PIP4K2A: variants seen among roughly 807,000 people sequenced by gnomAD.
PIP4K2A encodes the protein phosphatidylinositol-5-phosphate 4-kinase type 2 alpha, also known as phosphatidylinositol 5-phosphate 4-kinase type-2 alpha.
PIP4K2A carries 14 observed loss-of-function variants against 42.9 expected under a neutral mutation model. The ratio of observed to expected loss-of-function variants is 0.33; its 90% confidence interval spans 0.22 to 0.51. The LOEUF (loss-of-function observed/expected upper bound fraction) is 0.51. Ranked by LOEUF, PIP4K2A falls within the 20% of genes least tolerant of loss-of-function variation. The probability of loss-of-function intolerance (pLI) is 0.97; values close to 1 mark genes in which losing one functional copy is unlikely to be tolerated. For synonymous variants in PIP4K2A, 192 were observed against 192.2 expected, an observed-to-expected ratio of 1.00 and a Z score of 0.01; for missense variants, 434 against 519.8, an observed-to-expected ratio of 0.83 and a Z score of 1.61.
At chr10:22,547,099 C>T (rs528183730) in intron 7 of PIP4K2A, among the ~76,000 whole-genome samples, 4 of 152,128 alleles carry the variant, frequency 2.6e-5, no homozygotes, top group Non-Finnish European at 4.4e-5. Context: ...GAGATCTTTA[C>T]GAGTCTAAGA....
At chr10:22,633,253 T>C (rs1838591036) in intron 1 of PIP4K2A, among the ~76,000 whole-genome samples, 1 of 152,122 alleles carries the variant, frequency 6.6e-6, no homozygotes, top group Admixed American at 6.5e-5. Context: ...AACACATAAA[T>C]AAATGAAAGG....
At chr10:22,667,911 GTGTGT>G (rs1410890669) in intron 1 of PIP4K2A, among the ~76,000 whole-genome samples, 4 of 136,712 alleles carry the variant, frequency 2.9e-5, no homozygotes, top group Non-Finnish European at 6.3e-5. Context: ...GTGTGTGTGT[GTGTGT>G]AGAGAGGGGG....
In PIP4K2A at chr10:22,536,104, C is replaced by G. The variant is rs542553400; in HGVS notation, c.*1097G>C. 2.5e-6 allele frequency: 1 copy of G among 398,474 alleles called. No homozygotes were observed. The highest frequency in any genetic ancestry group is 3.6e-5 in the East Asian group (1 of 28,052). The allele number at this position is 398,474 out of a possible 1,614,324, so 24.7% of individuals were successfully genotyped here. ...ATCCCTGTTTTCCTAATAATGTAAACAGTAAAACTGAGGGTTTCAGTTAAA... is the reference window on the plus strand; with the variant it reads ...ATCCCTGTTTTCCTAATAATGTAAAGAGTAAAACTGAGGGTTTCAGTTAAA... On this transcript the variant is annotated 3_prime_UTR_variant, in exon 10 of 10. Coordinates refer to ENST00000376573, the MANE Select transcript of PIP4K2A (RefSeq NM_005028.5).
intron 1 of PIP4K2A, among the ~76,000 whole-genome samples, chr10:22,625,520 T>C (rs1184498095): frequency 1.3e-5 from 2 of 152,206 alleles, no homozygotes; most frequent in East Asian, 1.9e-4. Flanking sequence ...GAGTCTATTG[T>C]TCTAAGGGAG....
intron 6 of PIP4K2A, among the ~76,000 whole-genome samples, chr10:22,558,308 G>A (rs1484931035): frequency 1.3e-5 from 2 of 152,126 alleles, no homozygotes; most frequent in Non-Finnish European, 2.9e-5. Context: ...ATAAAAATCA[G>A]CATCTATGGA....
intron 4 of PIP4K2A, among the ~76,000 whole-genome samples, chr10:22,574,014 G>A (rs934539440): frequency 6.6e-6 from 1 of 152,252 alleles, no homozygotes; most frequent in Admixed American, 6.5e-5. Flanking sequence ...TGCTCTGCCG[G>A]CAGATGGGGA....
intron 9 of PIP4K2A, among the ~76,000 whole-genome samples, chr10:22,537,868 C>T (rs748260124): frequency 3.3e-5 from 5 of 152,208 alleles, no homozygotes; most frequent in Non-Finnish European, 1.5e-5. Flanking sequence ...AGGCACAACA[C>T]TGCTGGCTCC....
At position 22,605,582 on chromosome 10, in the gene PIP4K2A, C is replaced by G. The variant is rs886433226; in HGVS notation, c.339+2345G>C. ...AGACCATAATGGGTTCATTTTGGAT[C>G]TCATTTGACAGAATTGATTATGACA... On this transcript the variant is annotated intron_variant, in intron 3 of 9. Coordinates refer to ENST00000376573, the MANE Select transcript of PIP4K2A (RefSeq NM_005028.5). 3.9e-5 allele frequency among the ~76,000 whole-genome samples: 6 copies of G among 152,306 alleles called. 1 individual carries two copies. The South Asian group carries it at 1.2e-3, about 32-fold the overall frequency.
chr10:22,590,748 T>C (rs1001664872), intron 4 of PIP4K2A, among the ~76,000 whole-genome samples: 1 of 152,116 alleles, frequency 6.6e-6, no homozygotes, highest in African/African-American at 2.4e-5. Context: ...TGCATACCTG[T>C]GGTCCCAGCT....
chr10:22,550,449 T>G (rs1445839426), intron 7 of PIP4K2A, among the ~76,000 whole-genome samples: 1 of 152,184 alleles, frequency 6.6e-6, no homozygotes, highest in East Asian at 1.9e-4. Context: ...TTGTGTTTGG[T>G]GCCTAAATGA....
chr10:22,690,542 C>A (rs1839845647), intron 1 of PIP4K2A, among the ~76,000 whole-genome samples: 1 of 151,966 alleles, frequency 6.6e-6, no homozygotes, highest in South Asian at 2.1e-4. Context: ...AAGAGAGTAA[C>A]AAAAACCCAA....
At chr10:22,614,609 C>T (rs1007022057) in intron 1 of PIP4K2A, among the ~76,000 whole-genome samples, 1 of 152,138 alleles carries the variant, frequency 6.6e-6, no homozygotes, top group East Asian at 1.9e-4. Context: ...AAAAGAGAAG[C>T]TTTTAATTAG....
intron 4 of PIP4K2A, among the ~76,000 whole-genome samples, chr10:22,575,397 T>C (rs1837088242): frequency 6.6e-6 from 1 of 152,138 alleles, no homozygotes; most frequent in South Asian, 2.1e-4. Context: ...CATCACGAAC[T>C]ACCTTTACAG....
chr10:22,563,025 C>T (rs949734760), intron 6 of PIP4K2A, among the ~76,000 whole-genome samples: 1 of 152,108 alleles, frequency 6.6e-6, no homozygotes, highest in African/African-American at 2.4e-5. Flanking sequence ...TTTCTTTGGC[C>T]ATTTGCCCTT....
At chr10:22,602,196 C>T (rs1837797772) in intron 3 of PIP4K2A, among the ~76,000 whole-genome samples, 1 of 151,966 alleles carries the variant, frequency 6.6e-6, no homozygotes, top group African/African-American at 2.4e-5. Flanking sequence ...AGTTCGAGAC[C>T]AGCCTGGGCA....
intron 1 of PIP4K2A, among the ~76,000 whole-genome samples, chr10:22,623,496 T>G (rs1750761): frequency 0.13 from 19,143 of 152,178 alleles, 1,369 homozygotes; most frequent in Middle Eastern, 0.21. Flanking sequence ...ACTAAAAGGC[T>G]GCCTTTACAC....
intron 1 of PIP4K2A, among the ~76,000 whole-genome samples, chr10:22,688,107 A>G (rs1296476518): frequency 1.3e-5 from 2 of 152,240 alleles, no homozygotes; most frequent in Non-Finnish European, 2.9e-5. Context: ...GAACTGAAAC[A>G]TCTCACCTGA....
chr10:22,592,322 A>G (rs1837529919), intron 3 of PIP4K2A, among the ~76,000 whole-genome samples: 1 of 152,228 alleles, frequency 6.6e-6, no homozygotes, highest in African/African-American at 2.4e-5. Context: ...TAATAAGGGA[A>G]GAGCTAGAAT....
At chr10:22,705,097 T>G (rs1833793208) in intron 1 of PIP4K2A, among the ~76,000 whole-genome samples, 1 of 149,100 alleles carries the variant, frequency 6.7e-6, no homozygotes, top group African/African-American at 2.5e-5. Flanking sequence ...AAGGACGGGG[T>G]GGGGGAAGTG....
Sources: gnomAD v4.1 joint callset for allele counts (sites outside exome capture counted in the v4.1 genomes callset) on GRCh38, gnomAD v4.1.1 for gene constraint, MANE v1.5 for transcripts, NCBI Gene and HGNC (gene_info 2026-07-23, HGNC 2026-07-21) for gene names.